The following ATP11B variants were observed in gnomAD, a reference collection of about 807,000 sequenced individuals.
ATP11B encodes the protein phospholipid-transporting ATPase IF.
ATP11B carries 81 observed loss-of-function variants against 157.8 expected under a neutral mutation model. That is an observed-to-expected ratio of 0.51 (90% confidence interval 0.43 to 0.62). The LOEUF (loss-of-function observed/expected upper bound fraction) is 0.62. ATP11B is among the 20% of genes least tolerant of loss of function. The pLI, the probability that ATP11B is intolerant of heterozygous loss-of-function variation, is 0.00. For synonymous variants in ATP11B, 451 were observed against 469.4 expected, an observed-to-expected ratio of 0.96 and a Z score of 0.51; for missense variants, 1,165 against 1,402.2, an observed-to-expected ratio of 0.83 and a Z score of 2.70.
chr3:182,833,440 C>G (rs1424925409), intron 4 of ATP11B, among the ~76,000 whole-genome samples: 1 of 152,116 alleles, frequency 6.6e-6, no homozygotes, highest in Non-Finnish European at 1.5e-5. Flanking sequence ...ATCCTTCCAC[C>G]TCAGCCTACC....
chr3:182,879,083 G>A (rs188579322), intron 19 of ATP11B, among the ~76,000 whole-genome samples: 166 of 152,178 alleles, frequency 1.1e-3, no homozygotes, highest in Non-Finnish European at 1.9e-3. Flanking sequence ...GACCAGCCTG[G>A]GCAACATAGT....
chr3:182,878,051 A>G (rs1483973599), intron 19 of ATP11B, among the ~76,000 whole-genome samples: 4 of 152,192 alleles, frequency 2.6e-5, no homozygotes, highest in Non-Finnish European at 4.4e-5. Context: ...AAGTTGCCAA[A>G]TAAAGTTTGG....
At chr3:182,894,327 C>T (rs1723373073) in intron 25 of ATP11B, among the ~76,000 whole-genome samples, 6 of 152,232 alleles carry the variant, frequency 3.9e-5, no homozygotes, top group Admixed American at 3.9e-4. Flanking sequence ...GCTGGGATTA[C>T]AGGCATGGGC....
At position 182,918,390 on chromosome 3, in the gene ATP11B, G is replaced by T; in HGVS notation, c.*286G>T. 1 of 403,682 alleles carries T rather than the reference G, an allele frequency of 2.5e-6. No individual in the cohort carries two copies. Among genetic ancestry groups the T allele is most frequent in the Non-Finnish European group, 4.4e-6 (1 of 229,598 alleles). The allele number at this position is 403,682 out of a possible 1,614,324, so 25.0% of individuals were successfully genotyped here. A position where few individuals can be genotyped will look rare whatever the true frequency, so the allele number is the denominator to read the frequency against. On this transcript the variant is annotated 3_prime_UTR_variant, in exon 30 of 30. Transcript: ENST00000323116. Reference sequence around the variant, plus strand: ...TTATGGGACTCCTAATGGCATTTCAGTCTGTTGCTGAGGCCATTATATTTT... The same window carrying T: ...TTATGGGACTCCTAATGGCATTTCATTCTGTTGCTGAGGCCATTATATTTT...
chr3:182,918,279 C>G lies in ATP11B; in HGVS notation c.*175C>G. ...AGAAAGCATTAGTACAAGCCCCTCC[C>G]AACACCCTTAATTTGAATCTGAACA... is the stretch of plus-strand genomic sequence containing the variant. On this transcript the variant is annotated 3_prime_UTR_variant, in exon 30 of 30. Transcript: ENST00000323116. 1.3e-6 allele frequency: 1 copy of G among 765,960 alleles called. No homozygotes were observed. The highest frequency in any genetic ancestry group is 1.9e-6 in the Non-Finnish European group (1 of 528,886). 47.4% of individuals were successfully genotyped at this position (765,960 alleles called of 1,614,324 possible). A position where few individuals can be genotyped will look rare whatever the true frequency, so the allele number is the denominator to read the frequency against.
chr3:182,913,299 T>G (rs1378315348), intron 28 of ATP11B, among the ~76,000 whole-genome samples: 1 of 152,170 alleles, frequency 6.6e-6, no homozygotes, highest in Non-Finnish European at 1.5e-5. Context: ...CTATGTAGAG[T>G]GCTTAGAACC....
intron 1 of ATP11B, among the ~76,000 whole-genome samples, chr3:182,819,612 T>C: frequency 6.6e-6 from 1 of 152,224 alleles, no homozygotes; most frequent in East Asian, 1.9e-4. Flanking sequence ...TTCATATCTC[T>C]ATTTCAGTAA....
At chr3:182,815,151 C>T (rs1177958607) in intron 1 of ATP11B, among the ~76,000 whole-genome samples, 1 of 152,114 alleles carries the variant, frequency 6.6e-6, no homozygotes, top group Non-Finnish European at 1.5e-5. Context: ...CCAACTCACC[C>T]CTGCACTAAG....
chr3:182,914,013 T>C lies in ATP11B; in HGVS notation c.3452+19T>C. ...TCAGCAGGTGTGAAATCTCTCTAAGTAGCCTTTGCTGCAGATGAGTATCCT... is the reference window on the plus strand; with the variant it reads ...TCAGCAGGTGTGAAATCTCTCTAAGCAGCCTTTGCTGCAGATGAGTATCCT... On this transcript the variant is annotated intron_variant, in intron 29 of 29. Coordinates refer to ENST00000323116, the MANE Select transcript of ATP11B (RefSeq NM_014616.3). 2 of 1,613,406 alleles carry C rather than the reference T, an allele frequency of 1.2e-6. No homozygotes were observed. The highest frequency in any genetic ancestry group is 1.7e-6 in the Non-Finnish European group (2 of 1,179,614).
Position 182,915,289 on chromosome 3 carries a change from G to A in ATP11B, c.3452+1295G>A, listed in dbSNP as rs749345249. The stretch of plus-strand genomic sequence containing the variant: ...TTTCAATCCCCGTTTATTCTGACTT[G>A]ATTATAACGTGATCTGAAATATTTC... On this transcript the variant is annotated intron_variant, in intron 29 of 29. Coordinates refer to ENST00000323116, the MANE Select transcript of ATP11B (RefSeq NM_014616.3). The A allele has an allele frequency of 8.7e-5, 86 of 985,190 alleles. 1 individual carries two copies. The highest frequency in any genetic ancestry group is 2.2e-5 in the Non-Finnish European group (18 of 829,882). The allele number at this position is 985,190 out of a possible 1,614,324, so 61.0% of individuals were successfully genotyped here.
At chr3:182,800,141 CAAA>C (rs1715898677) in intron 1 of ATP11B, among the ~76,000 whole-genome samples, 1 of 151,774 alleles carries the variant, frequency 6.6e-6, no homozygotes, top group Non-Finnish European at 1.5e-5. Context: ...AAGAAAGAAA[CAAA>C]AACATTCTTG....
At chr3:182,839,251 G>A (rs1256655740) in intron 7 of ATP11B, among the ~76,000 whole-genome samples, 4 of 152,110 alleles carry the variant, frequency 2.6e-5, no homozygotes, top group African/African-American at 9.7e-5. Flanking sequence ...TGGGCACAAG[G>A]GAACAACACA....
intron 19 of ATP11B, 83 bp from the exon 20 acceptor site, chr3:182,879,408 CTTTCA>C: frequency 8.6e-7 from 1 of 1,165,406 alleles, no homozygotes; most frequent in South Asian, 2.1e-5. Flanking sequence ...AAAGATCCAT[CTTTCA>C]GTAAGAATGT....
At position 182,919,422 on chromosome 3, in the gene ATP11B, C is replaced by G. The variant is rs555241202; in HGVS notation, c.*1318C>G. On this transcript the variant is annotated 3_prime_UTR_variant, in exon 30 of 30. Transcript: ENST00000323116. Reference sequence around the variant, plus strand: ...TAACTCATTGCACTTCAAAACCTAACTTCCATCCTGAATTTATCAAGTAGT... The same window carrying G: ...TAACTCATTGCACTTCAAAACCTAAGTTCCATCCTGAATTTATCAAGTAGT... 1 of 152,612 alleles carries G rather than the reference C, an allele frequency of 6.6e-6. No individual in the cohort carries two copies. The highest frequency in any genetic ancestry group is 1.5e-5 in the Non-Finnish European group (1 of 68,020). 9.5% of individuals were successfully genotyped at this position (152,612 alleles called of 1,614,324 possible). A position where few individuals can be genotyped will look rare whatever the true frequency, so the allele number is the denominator to read the frequency against.
chr3:182,866,651 T>A (rs2108542933), intron 14 of ATP11B, among the ~76,000 whole-genome samples: 1 of 145,440 alleles, frequency 6.9e-6, no homozygotes, highest in South Asian at 2.1e-4. Flanking sequence ...AGTCTTTTTT[T>A]AAGATCTCTT....
At position 182,879,590 on chromosome 3, in the gene ATP11B, G is replaced by T; in HGVS notation, c.2347G>T (p.Val783Phe). Residue 783 changes from valine to phenylalanine, a missense_variant, in exon 20 of 30, where the codon GTT becomes TTT. Around this residue, in one of 4 missense-constraint regions of ATP11B, gnomAD observed 737 missense variants for 930.5 expected, o/e 0.79. Coordinates refer to ENST00000323116, the MANE Select transcript of ATP11B (RefSeq NM_014616.3). Reference protein sequence around the residue: ...LREHEKLFMEVCRNCSAVLCC... With the variant: ...LREHEKLFMEFCRNCSAVLCC... The stretch of plus-strand genomic sequence containing the variant: ...GGAGCATGAAAAACTATTTATGGAA[G>T]TTTGCAGAAATTGTTCAGCTGTATT... 6.2e-7 allele frequency: 1 copy of T among 1,614,076 alleles called. No homozygotes were observed. Among genetic ancestry groups the T allele is most frequent in the Non-Finnish European group, 8.5e-7 (1 of 1,179,960 alleles).
At position 182,865,527 on chromosome 3, in the gene ATP11B, T is replaced by A. The variant is rs370369846; in HGVS notation, c.1272T>A (p.Ile424=). The A allele has an allele frequency of 1.3e-5, 21 of 1,613,698 alleles. No homozygotes were observed. The highest frequency in any genetic ancestry group is 1.6e-5 in the Non-Finnish European group (19 of 1,179,826). The change falls in exon 13 of 30, where the codon ATT becomes ATA. Residue 424 remains isoleucine (I), a synonymous_variant. Coordinates refer to ENST00000323116, the MANE Select transcript of ATP11B (RefSeq NM_014616.3). ...ENEMQFRECS[I]NGMKYQEING... is the part of the protein sequence containing the mutation. ...AGATGCAGTTTCGGGAATGTTCAAT[T>A]AATGGCATGAAATACCAAGAAATTA...
intron 1 of ATP11B, among the ~76,000 whole-genome samples, chr3:182,808,798 T>C (rs951511247): frequency 6.6e-6 from 1 of 152,228 alleles, no homozygotes; most frequent in African/African-American, 2.4e-5. Context: ...AGGATTCCTG[T>C]ACCCTTCTCT....
At chr3:182,903,920 AAC>A (rs1188546678) in intron 28 of ATP11B, among the ~76,000 whole-genome samples, 1 of 152,236 alleles carries the variant, frequency 6.6e-6, no homozygotes, top group Non-Finnish European at 1.5e-5. Flanking sequence ...TACTGGCTTA[AAC>A]CACTTTTTTT....
Sources: allele counts gnomAD v4.1 joint callset (sites outside exome capture counted in the v4.1 genomes callset), GRCh38; gene constraint gnomAD v4.1.1; regional missense constraint gnomAD v4.1.1; transcripts MANE v1.5; gene names NCBI Gene and HGNC (gene_info 2026-07-23, HGNC 2026-07-21).